The following MARCHF1 variants were observed in gnomAD, a reference collection of about 807,000 sequenced individuals.
The protein encoded by MARCHF1 is E3 ubiquitin-protein ligase MARCHF1.
In MARCHF1, 40 loss-of-function variants were observed where a neutral mutation model predicts 54.2. That is an observed-to-expected ratio of 0.74 (90% CI 0.57 to 0.96). The LOEUF (loss-of-function observed/expected upper bound fraction) is 0.96, where lower values mean the gene tolerates loss of function less well. MARCHF1 is among the 40% of genes least tolerant of loss of function. The pLI, the probability that MARCHF1 is intolerant of heterozygous loss-of-function variation, is 0.00. For synonymous variants in MARCHF1, 236 were observed against 236.3 expected (o/e 1.00, Z 0.01); for missense variants, 586 against 656.5 (o/e 0.89, Z 1.17).
chr4:163,676,093 A>G (rs1743903700), intron 5 of MARCHF1, among the ~76,000 whole-genome samples: 1 of 151,412 alleles, frequency 6.6e-6, no homozygotes. Context: ...CTGAAATCTC[A>G]GCACTTTGGG....
chr4:163,630,260 A>G (rs933710052), intron 5 of MARCHF1, among the ~76,000 whole-genome samples: 1 of 138,986 alleles, frequency 7.2e-6, no homozygotes, highest in African/African-American at 2.9e-5. Context: ...TCAGCAATAA[A>G]AAGAAAAAAC....
chr4:164,286,742 A>G (rs929024127), intron 1 of MARCHF1, among the ~76,000 whole-genome samples: 1 of 149,508 alleles, frequency 6.7e-6, no homozygotes, highest in African/African-American at 2.4e-5. Context: ...TAATAAATCT[A>G]TAAGCAGAGA....
At chr4:164,027,362 TAAA>T (rs59453843) in intron 2 of MARCHF1, among the ~76,000 whole-genome samples, 747 of 10,678 alleles carry the variant, frequency 0.07, 15 homozygotes, top group African/African-American at 0.079. Context: ...ATGGTACAGG[TAAA>T]AAAAAAAAAA....
intron 1 of MARCHF1, among the ~76,000 whole-genome samples, chr4:164,236,145 T>G (rs1044458491): frequency 6.6e-6 from 1 of 152,084 alleles, no homozygotes; most frequent in Admixed American, 6.6e-5. Context: ...AAGACACAAA[T>G]TTTGTCAGTC....
intron 1 of MARCHF1, among the ~76,000 whole-genome samples, chr4:164,363,147 T>C (rs909106773): frequency 6.6e-6 from 1 of 151,936 alleles, no homozygotes; most frequent in African/African-American, 2.4e-5. Flanking sequence ...CAATAAATGG[T>C]ATAAGAAAAG....
intron 3 of MARCHF1, among the ~76,000 whole-genome samples, chr4:163,870,079 A>T (rs1750138474): frequency 6.6e-6 from 1 of 152,194 alleles, no homozygotes. Context: ...TACGAAGTCA[A>T]AACTCCAATA....
rs182962531 is a variant in MARCHF1, at chr4:163,717,741, T to C, written c.112-16878A>G. ...GTGGTTTTGATTTACATTTCTCTGA[T>C]GGCCAGTGATAATGAGCATTTTTTC... On this transcript the variant is annotated intron_variant, in intron 4 of 9. Coordinates refer to ENST00000514618, the MANE Select transcript of MARCHF1 (RefSeq NM_001394959.1). Among the ~76,000 whole-genome samples the C allele has an allele frequency of 3.3e-3, 510 of 152,354 alleles. 6 individuals are homozygous for C. The highest frequency in any genetic ancestry group is 0.024 in the Admixed American group (363 of 15,298).
intron 8 of MARCHF1, among the ~76,000 whole-genome samples, chr4:163,559,230 A>AATC (rs550869434): frequency 3.3e-5 from 5 of 151,782 alleles, no homozygotes; most frequent in Non-Finnish European, 5.9e-5. Context: ...AATTATTCAT[A>AATC]ATCTCATTTG....
chr4:163,904,531 C>T (rs1171647946), intron 3 of MARCHF1, among the ~76,000 whole-genome samples: 1 of 152,102 alleles, frequency 6.6e-6, no homozygotes, highest in Non-Finnish European at 1.5e-5. Context: ...AAGGTCTAAC[C>T]AGAGAAATGG....
intron 4 of MARCHF1, among the ~76,000 whole-genome samples, chr4:163,706,475 A>G (rs1390660836): frequency 1.3e-5 from 2 of 152,104 alleles, no homozygotes; most frequent in Non-Finnish European, 2.9e-5. Context: ...TCTTTTAGCA[A>G]TAAATATCCA....
chr4:163,689,907 C>T (rs1017823845), intron 5 of MARCHF1, among the ~76,000 whole-genome samples: 4 of 152,132 alleles, frequency 2.6e-5, no homozygotes, highest in African/African-American at 4.8e-5. Flanking sequence ...TTAAAATGGT[C>T]CATTTTATAT....
intron 3 of MARCHF1, among the ~76,000 whole-genome samples, chr4:163,872,167 T>C (rs1357229348): frequency 6.6e-6 from 1 of 152,250 alleles, no homozygotes; most frequent in Non-Finnish European, 1.5e-5. Context: ...AGAGGTAGCC[T>C]GCATTGCATT....
At chr4:163,875,901 T>C (rs1221690184) in intron 3 of MARCHF1, among the ~76,000 whole-genome samples, 5 of 152,156 alleles carry the variant, frequency 3.3e-5, no homozygotes, top group Non-Finnish European at 7.4e-5. Flanking sequence ...AATAAATTGA[T>C]ACTTTTAAAA....
intron 2 of MARCHF1, among the ~76,000 whole-genome samples, chr4:164,030,498 T>C (rs1420556758): frequency 3.9e-5 from 6 of 152,222 alleles, no homozygotes; most frequent in Non-Finnish European, 7.3e-5. Flanking sequence ...ATTGTTCATA[T>C]GAACACTTTC....
intron 1 of MARCHF1, among the ~76,000 whole-genome samples, chr4:164,318,735 G>C (rs922767176): frequency 3.3e-5 from 5 of 152,172 alleles, no homozygotes; most frequent in Non-Finnish European, 7.3e-5. Flanking sequence ...CATGAAATGT[G>C]TGTAATGTAG....
chr4:164,042,425 G>A (rs1169243278), intron 2 of MARCHF1, among the ~76,000 whole-genome samples: 5 of 152,254 alleles, frequency 3.3e-5, no homozygotes, highest in South Asian at 2.1e-4. Flanking sequence ...CAGCAAAAGG[G>A]AGAGAGAGCA....
At chr4:164,089,021 A>T (rs1378435551) in intron 2 of MARCHF1, among the ~76,000 whole-genome samples, 3 of 152,148 alleles carry the variant, frequency 2.0e-5, no homozygotes, top group African/African-American at 7.2e-5. Flanking sequence ...ACCTAGAATG[A>T]TCCTTCACAT....
intron 3 of MARCHF1, among the ~76,000 whole-genome samples, chr4:163,973,052 A>C (rs1478821668): frequency 6.6e-6 from 1 of 152,200 alleles, no homozygotes; most frequent in Admixed American, 6.5e-5. Flanking sequence ...ACATCCTTTC[A>C]AAAAACATAG....
intron 2 of MARCHF1, among the ~76,000 whole-genome samples, chr4:164,054,390 G>A (rs372349039): frequency 0.011 from 1,612 of 151,522 alleles, 22 homozygotes; most frequent in African/African-American, 0.036. Context: ...ATCTAGAACT[G>A]GAAATACCAT....
Sources: gnomAD v4.1 joint callset for allele counts (sites outside exome capture counted in the v4.1 genomes callset) on GRCh38, gnomAD v4.1.1 for gene constraint, MANE v1.5 for transcripts, NCBI Gene and HGNC (gene_info 2026-07-23, HGNC 2026-07-21) for gene names.